Variants in IL1RAPL2 observed in about 807,000 individuals in gnomAD.
IL1RAPL2 encodes the protein interleukin 1 receptor accessory protein like 2, also known as X-linked interleukin-1 receptor accessory protein-like 2.
Under a neutral mutation model 44.1 loss-of-function variants are expected in IL1RAPL2, and 3 were observed. That is an observed-to-expected ratio of 0.07 (90% confidence interval 0.03 to 0.18). The LOEUF (loss-of-function observed/expected upper bound fraction) is 0.18. IL1RAPL2 is among the 10% of genes least tolerant of loss of function. The pLI, the probability that IL1RAPL2 is intolerant of heterozygous loss-of-function variation, is 1.00. For missense variants in IL1RAPL2, 391 were observed against 496.4 expected, an observed-to-expected ratio of 0.79 and a Z score of 2.02; for synonymous variants, 181 against 178.8, an observed-to-expected ratio of 1.01 and a Z score of -0.10.
intron 2 of IL1RAPL2, among the ~76,000 whole-genome samples, chrX:104,681,892 A>C (rs1246253822): frequency 6.2e-5 from 7 of 112,897 alleles, no homozygotes; most frequent in Non-Finnish European, 1.1e-4. Context: ...GTTTGGAAGT[A>C]ATGAAGTTAA....
intron 8 of IL1RAPL2, among the ~76,000 whole-genome samples, chrX:105,747,486 GTGTGTA>G (rs1161808796): frequency 0.028 from 2,057 of 72,329 alleles, 36 homozygotes; most frequent in African/African-American, 0.065. Context: ...CTCTCTGTGT[GTGTGTA>G]TGTGTGTGTG....
chrX:105,727,775 G>A (rs761164854), intron 7 of IL1RAPL2, among the ~76,000 whole-genome samples: 79 of 111,818 alleles, frequency 7.1e-4, no homozygotes, highest in Non-Finnish European at 1.2e-3. Context: ...ATACTTCCCA[G>A]CTTACCACAT....
At chrX:104,758,287 A>T (rs773088279) in intron 2 of IL1RAPL2, among the ~76,000 whole-genome samples, 1 of 111,871 alleles carries the variant, frequency 8.9e-6, no homozygotes, top group African/African-American at 3.2e-5. Flanking sequence ...AATGTTAATA[A>T]CTTATTCTTG....
chrX:105,085,439 T>A (rs939858684), intron 2 of IL1RAPL2, among the ~76,000 whole-genome samples: 3 of 112,012 alleles, frequency 2.7e-5, no homozygotes, highest in Non-Finnish European at 5.6e-5. Context: ...ACACTGCTAA[T>A]TATTAGGGAA....
chrX:104,755,467 C>T (rs996610153), intron 2 of IL1RAPL2, among the ~76,000 whole-genome samples: 4 of 109,979 alleles, frequency 3.6e-5, no homozygotes, highest in South Asian at 3.9e-4. Context: ...ACCAAATCCA[C>T]GAGTCCTGAG....
chrX:105,375,371 C>T (rs770276883), intron 5 of IL1RAPL2, among the ~76,000 whole-genome samples: 10 of 111,160 alleles, frequency 9.0e-5, no homozygotes, highest in Admixed American at 3.8e-4. Context: ...ATTAGCTGGA[C>T]GTGGTGGCAC....
intron 5 of IL1RAPL2, among the ~76,000 whole-genome samples, chrX:105,479,929 C>T (rs997997227): frequency 9.9e-5 from 11 of 110,901 alleles, no homozygotes; most frequent in African/African-American, 2.3e-4. Flanking sequence ...AATGTTATGA[C>T]GAAAATAGTG....
chrX:104,785,013 G>A (rs370502184), intron 2 of IL1RAPL2, among the ~76,000 whole-genome samples: 6 of 110,635 alleles, frequency 5.4e-5, no homozygotes, highest in Non-Finnish European at 9.4e-5. Context: ...AAGGATTATC[G>A]CTCTTTCTTT....
intron 5 of IL1RAPL2, among the ~76,000 whole-genome samples, chrX:105,416,161 C>A (rs1262714662): frequency 1.8e-5 from 2 of 111,755 alleles, no homozygotes; most frequent in East Asian, 5.6e-4. Flanking sequence ...CTTGAGACAG[C>A]ATTGAAAAAT....
At chrX:105,364,312 G>T (rs776838833) in intron 5 of IL1RAPL2, among the ~76,000 whole-genome samples, 5 of 111,242 alleles carry the variant, frequency 4.5e-5, no homozygotes, top group Admixed American at 2.9e-4. Context: ...ATGCTGTTTT[G>T]ATTACAATAG....
At chrX:105,476,854 A>G (rs1407854914) in intron 5 of IL1RAPL2, among the ~76,000 whole-genome samples, 1 of 112,060 alleles carries the variant, frequency 8.9e-6, no homozygotes, top group Admixed American at 9.5e-5. Context: ...AAACAGCTTT[A>G]CTTGTCTTCA....
chrX:104,777,009 T>C (rs979346708), intron 2 of IL1RAPL2, among the ~76,000 whole-genome samples: 2 of 111,594 alleles, frequency 1.8e-5, no homozygotes, highest in Non-Finnish European at 3.8e-5. Flanking sequence ...ACTTTTCTTA[T>C]TTTTTTATGA....
chrX:105,359,546 A>G (rs1465957959), intron 5 of IL1RAPL2, among the ~76,000 whole-genome samples: 1 of 111,094 alleles, frequency 9.0e-6, no homozygotes, highest in African/African-American at 3.3e-5. Flanking sequence ...CCATGAAAAC[A>G]GTATTAGAGC....
intron 6 of IL1RAPL2, among the ~76,000 whole-genome samples, chrX:105,628,552 G>T (rs898527770): frequency 8.9e-6 from 1 of 112,332 alleles, no homozygotes; most frequent in Non-Finnish European, 1.9e-5. Context: ...ACAGTCAAAG[G>T]GAGAATTCCC....
Position 105,422,252 on chromosome X carries a change from T to C in IL1RAPL2, c.698-62061T>C, listed in dbSNP as rs749833739. Among the ~76,000 whole-genome samples, 10 of 112,057 alleles carry C rather than the reference T, an allele frequency of 8.9e-5. No individual in the cohort carries two copies. In the South Asian group the frequency reaches 3.7e-3, roughly 42 times the overall value. ...TGCCTATGATTTGGGTGAATTCCTC[T>C]TCTCTTGAGGTTCCAAGATAAACCT... On this transcript the variant is annotated intron_variant, in intron 5 of 10. Transcript: ENST00000372582.
intron 1 of IL1RAPL2, among the ~76,000 whole-genome samples, chrX:104,627,017 C>G (rs968415816): frequency 1.8e-5 from 2 of 109,112 alleles, no homozygotes; most frequent in Non-Finnish European, 3.8e-5. Flanking sequence ...CGTGGTTTCA[C>G]CATTTTGGCC....
At chrX:105,171,818 C>T in intron 2 of IL1RAPL2, among the ~76,000 whole-genome samples, 1 of 111,498 alleles carries the variant, frequency 9.0e-6, no homozygotes, top group Middle Eastern at 4.6e-3. Flanking sequence ...TTATGTCAGC[C>T]CAGAACATAT....
At chrX:105,761,201 GA>G (rs1163252659) in intron 10 of IL1RAPL2, among the ~76,000 whole-genome samples, 3 of 77,672 alleles carry the variant, frequency 3.9e-5, no homozygotes, top group African/African-American at 9.1e-5. Context: ...AAAAGAAAAA[GA>G]AAAAAAAACT....
At chrX:105,532,868 T>A (rs1047037512) in intron 6 of IL1RAPL2, among the ~76,000 whole-genome samples, 4 of 111,440 alleles carry the variant, frequency 3.6e-5, no homozygotes, top group African/African-American at 1.3e-4. Context: ...GATATACATA[T>A]ATATATTAGA....
Sources: gnomAD v4.1 joint callset for allele counts (sites outside exome capture counted in the v4.1 genomes callset) on GRCh38, gnomAD v4.1.1 for gene constraint, MANE v1.5 for transcripts, NCBI Gene and HGNC (gene_info 2026-07-23, HGNC 2026-07-21) for gene names.